The following SGK2 variants were observed in gnomAD, a reference collection of about 807,000 sequenced individuals.
SGK2 encodes the protein serine/threonine-protein kinase Sgk2.
SGK2 carries 36 observed loss-of-function variants against 47.5 expected under a neutral mutation model. That is an observed-to-expected ratio of 0.76 (90% CI 0.58 to 1.00). SGK2 has a LOEUF of 1.00. SGK2 is among the 50% of genes least tolerant of loss of function. The probability of loss-of-function intolerance (pLI) is 0.00; values close to 1 mark genes in which losing one functional copy is unlikely to be tolerated. For missense variants in SGK2, 404 were observed against 467.4 expected (o/e 0.86, Z 1.25); for synonymous variants, 157 against 181.9 (o/e 0.86, Z 1.10).
intron 8 of SGK2, among the ~76,000 whole-genome samples, chr20:43,571,383 T>TG (rs564906248): frequency 2.0e-5 from 3 of 152,126 alleles, no homozygotes; most frequent in Non-Finnish European, 4.4e-5. Flanking sequence ...GAAGCTTTAT[T>TG]GGGGAACATT....
In SGK2 at chr20:43,573,082, C is replaced by T. The variant is rs939981400; in HGVS notation, c.597+945C>T. On this transcript the variant is annotated intron_variant, in intron 9 of 12. Coordinates refer to ENST00000373100, the MANE Select transcript of SGK2 (RefSeq NM_170693.3). ...GGCTGGCAAGTGTAAACCACAGGTCCGTGTCCATCTTCCAGCTGCCAAGAG... is the reference window on the plus strand; with the variant it reads ...GGCTGGCAAGTGTAAACCACAGGTCTGTGTCCATCTTCCAGCTGCCAAGAG... Among the ~76,000 whole-genome samples, 14 of 152,212 alleles carry T rather than the reference C, an allele frequency of 9.2e-5. No homozygotes were observed. The East Asian group carries it at 2.3e-3, about 25-fold the overall frequency.
intron 12 of SGK2, among the ~76,000 whole-genome samples, chr20:43,581,860 C>T (rs1257532839): frequency 6.6e-6 from 1 of 152,038 alleles, no homozygotes; most frequent in Non-Finnish European, 1.5e-5. Context: ...ACCACCTTTT[C>T]ACTGTGTGGA....
At position 43,572,160 on chromosome 20, in the gene SGK2, A is replaced by G. The variant is rs1203934052; in HGVS notation, c.597+23A>G. 1.4e-5 allele frequency: 21 copies of G among 1,518,422 alleles called. No individual in the cohort carries two copies. Among genetic ancestry groups the G allele is most frequent in the Non-Finnish European group, 1.8e-5 (20 of 1,118,012 alleles). 94.1% of individuals were successfully genotyped at this position (1,518,422 alleles called of 1,614,324 possible). ...GAGGTAAGCGTAAACATCCCAGGAG[A>G]GGGGAGGTCATGAGTGGGTGAGGCC... On this transcript the variant is annotated intron_variant, in intron 9 of 12. Transcript: ENST00000373100. This position sits in a 1 kb window ranked among gnomAD's most constrained non-coding sequence, Gnocchi z 4.2.
intron 2 of SGK2, among the ~76,000 whole-genome samples, 192 bp from the exon 3 acceptor site, chr20:43,566,876 A>G (rs1384061619): frequency 1.9e-5 from 2 of 107,186 alleles, no homozygotes; most frequent in East Asian, 3.1e-4. Flanking sequence ...ATGGTGGATA[A>G]GTGGATTTGT....
intron 12 of SGK2, among the ~76,000 whole-genome samples, chr20:43,582,383 TTTTTA>T (rs1172272698): frequency 5.3e-4 from 81 of 151,926 alleles, no homozygotes; most frequent in African/African-American, 1.7e-3. Flanking sequence ...TTTATTTTTA[TTTTTA>T]TTTTATTTTA....
At chr20:43,567,254 G>A in intron 3 of SGK2, 137 bp downstream of exon 3, 1 of 724,992 alleles carries the variant, frequency 1.4e-6, no homozygotes, top group Non-Finnish European at 2.4e-6. Context: ...CCTTTCCCCA[G>A]CTCTATCTCC....
At chr20:43,566,654 C>A in intron 2 of SGK2, 123 bp downstream of exon 2, 1 of 659,090 alleles carries the variant, frequency 1.5e-6, no homozygotes, top group Non-Finnish European at 2.6e-6. Flanking sequence ...TAGAAATGAG[C>A]CACTTGCAGG....
chr20:43,573,525 C>T (rs919482909), intron 9 of SGK2, among the ~76,000 whole-genome samples: 5 of 151,954 alleles, frequency 3.3e-5, no homozygotes, highest in African/African-American at 1.2e-4. Flanking sequence ...TTTGAACTCC[C>T]ACCAGTCTTG....
At position 43,569,512 on chromosome 20, in the gene SGK2, G is replaced by T. The variant is rs756221883; in HGVS notation, c.356G>T (p.Gly119Val). 1 of 1,612,760 alleles carries T rather than the reference G, an allele frequency of 6.2e-7. No individual in the cohort carries two copies. Among genetic ancestry groups the T allele is most frequent in the Non-Finnish European group, 8.5e-7 (1 of 1,179,994 alleles). ...LYFVLDYVNG[G>V]ELFFHLQRER... is the part of the protein sequence containing the mutation. Reference sequence around the variant, plus strand: ...TTCGTGCTCGACTATGTCAACGGGGGAGAGGTGGGTGGGCCCACAGGGAGG... The same window carrying T: ...TTCGTGCTCGACTATGTCAACGGGGTAGAGGTGGGTGGGCCCACAGGGAGG... The change falls in exon 6 of 13, where the codon GGA (glycine) becomes GTA (valine). Residue 119 changes from glycine to valine, a missense_variant. Physicochemically the swap from Gly to Val is moderately radical, Grantham distance 109 (BLOSUM62 -3). Transcript: ENST00000373100.
At chr20:43,562,309 T>G (rs1170823170) in intron 1 of SGK2, among the ~76,000 whole-genome samples, 5 of 146,902 alleles carry the variant, frequency 3.4e-5, no homozygotes, top group African/African-American at 1.3e-4. Flanking sequence ...TCCCAGCTAC[T>G]CAGGAGGCTG....
chr20:43,564,914 C>G (rs1424400866), intron 1 of SGK2: 1 of 152,876 alleles, frequency 6.5e-6, no homozygotes, highest in Admixed American at 6.5e-5. Context: ...CGGAAGCACT[C>G]TATGCACAAA....
In SGK2 at chr20:43,568,624, G is replaced by T. The variant is rs189486081; in HGVS notation, c.228+625G>T. 1.1e-3 allele frequency among the ~76,000 whole-genome samples: 162 copies of T among 152,218 alleles called. 1 individual carries two copies. The highest frequency in any genetic ancestry group is 3.8e-3 in the African/African-American group (157 of 41,540). On this transcript the variant is annotated intron_variant, in intron 5 of 12. Coordinates refer to ENST00000373100, the MANE Select transcript of SGK2 (RefSeq NM_170693.3). ...AGCCTCCCCAGTAGCTGAGACTAAAGGCACCCGCCACCACTCCTGGCTAAT... is the reference window on the plus strand; with the variant it reads ...AGCCTCCCCAGTAGCTGAGACTAAATGCACCCGCCACCACTCCTGGCTAAT...
chr20:43,573,635 C>G (rs1053716158), intron 9 of SGK2, among the ~76,000 whole-genome samples: 2 of 152,226 alleles, frequency 1.3e-5, no homozygotes, highest in African/African-American at 2.4e-5. Flanking sequence ...TCCTCCCCAC[C>G]TGGCATGAGA....
At chr20:43,583,939 G>A (rs984664475) in intron 12 of SGK2, among the ~76,000 whole-genome samples, 2 of 152,000 alleles carry the variant, frequency 1.3e-5, no homozygotes, top group Non-Finnish European at 1.5e-5. Context: ...TCCAGCCTGG[G>A]TGATGGGCAA....
chr20:43,571,189 G>A, intron 8 of SGK2, 129 bp downstream of exon 8: 2 of 1,441,818 alleles, frequency 1.4e-6, no homozygotes, highest in South Asian at 2.5e-5. Context: ...AGGTAGAGGA[G>A]GCATTTGAGC....
chr20:43,578,279 G>A (rs983614438), intron 11 of SGK2, among the ~76,000 whole-genome samples: 5 of 152,098 alleles, frequency 3.3e-5, no homozygotes, highest in Non-Finnish European at 5.9e-5. Context: ...GAGGTCAGGA[G>A]TTTGAGATCA....
At position 43,576,391 on chromosome 20, in the gene SGK2, A is replaced by G. The variant is rs987299162; in HGVS notation, c.849+12A>G. Reference sequence around the variant, plus strand: ...CCAAAGCAGACTTTGTAGGTGACCTACCAGTGGAGCACTGGCCCCCATGGG... The same window carrying G: ...CCAAAGCAGACTTTGTAGGTGACCTGCCAGTGGAGCACTGGCCCCCATGGG... On this transcript the variant is annotated intron_variant, in intron 11 of 12. Transcript: ENST00000373100. 2 of 1,612,594 alleles carry G rather than the reference A, an allele frequency of 1.2e-6. No individual in the cohort carries two copies. Among genetic ancestry groups the G allele is most frequent in the African/African-American group, 1.3e-5 (1 of 75,020 alleles).
intron 1 of SGK2, among the ~76,000 whole-genome samples, chr20:43,563,146 A>AAAAAAAAG (rs1568657518): frequency 5.3e-5 from 8 of 151,984 alleles, no homozygotes; most frequent in Admixed American, 2.6e-4. Context: ...AAAAAAAAAA[A>AAAAAAAAG]AAAGAAAGAA....
chr20:43,584,879 G>T lies in SGK2; in HGVS notation c.967G>T (p.Asp323Tyr). Residue 323 changes from aspartate to tyrosine, a missense_variant, in exon 13 of 13, where the codon GAC becomes TAC. Physicochemically the swap from Asp to Tyr is radical, Grantham distance 160 (BLOSUM62 -3). Transcript: ENST00000373100. ...VTGPADLKHF[D>Y]PEFTQEAVSK... ...AGGACCTGCTGACTTGAAGCATTTTGACCCAGAGTTCACCCAGGAAGCTGT... is the reference window on the plus strand; with the variant it reads ...AGGACCTGCTGACTTGAAGCATTTTTACCCAGAGTTCACCCAGGAAGCTGT... 1 of 1,613,916 alleles carries T rather than the reference G, an allele frequency of 6.2e-7. No homozygotes were observed. Among genetic ancestry groups the T allele is most frequent in the South Asian group, 1.1e-5 (1 of 91,022 alleles).
Sources: allele counts gnomAD v4.1 joint callset (sites outside exome capture counted in the v4.1 genomes callset), GRCh38; gene constraint gnomAD v4.1.1; non-coding constraint Gnocchi (gnomAD v3.1); transcripts MANE v1.5; gene names NCBI Gene and HGNC (gene_info 2026-07-23, HGNC 2026-07-21).